The following IRAK1BP1 variants were observed in gnomAD, a reference collection of about 807,000 sequenced individuals.
IRAK1BP1 encodes the protein interleukin-1 receptor-associated kinase 1-binding protein 1.
IRAK1BP1 carries 24 observed loss-of-function variants against 28.0 expected under a neutral mutation model. The observed-to-expected ratio is 0.86, with a 90% CI of 0.62 to 1.20. IRAK1BP1 has a LOEUF of 1.20. Among genes scored for constraint, IRAK1BP1 ranks in the 50% most tolerant of loss-of-function variants. The pLI is 0.00. For missense variants in IRAK1BP1, 336 were observed against 316.7 expected (o/e 1.06, Z -0.46); for synonymous variants, 131 against 116.3 (o/e 1.13, Z -0.81).
At chr6:78,895,529 T>C (rs1446098634) in intron 2 of IRAK1BP1, among the ~76,000 whole-genome samples, 2 of 152,148 alleles carry the variant, frequency 1.3e-5, no homozygotes, top group Non-Finnish European at 2.9e-5. Flanking sequence ...ATCCTTTACA[T>C]GCAGGTATAA....
intron 4 of IRAK1BP1, among the ~76,000 whole-genome samples, chr6:78,913,552 A>G (rs574728709): frequency 3.9e-5 from 6 of 152,304 alleles, no homozygotes; most frequent in Non-Finnish European, 8.8e-5. Flanking sequence ...TGGCTGAGGC[A>G]CAATAATCAC....
intron 2 of IRAK1BP1, among the ~76,000 whole-genome samples, chr6:78,894,663 CAG>C (rs1343765563): frequency 6.6e-6 from 1 of 152,028 alleles, no homozygotes; most frequent in Non-Finnish European, 1.5e-5. Context: ...AGACCATAGA[CAG>C]AAAATCAGTA....
intron 2 of IRAK1BP1, among the ~76,000 whole-genome samples, chr6:78,887,680 A>AAC (rs1771479684): frequency 6.6e-6 from 1 of 152,044 alleles, no homozygotes; most frequent in East Asian, 1.9e-4. Flanking sequence ...ACACACACAA[A>AAC]AACAACAACA....
chr6:78,974,467 C>T, the IRAK1BP1 span, among the ~76,000 whole-genome samples: 3 of 151,560 alleles, frequency 2.0e-5, no homozygotes, highest in African/African-American at 7.3e-5. Flanking sequence ...ATTAAAAGAA[C>T]TAGAAAAGCA....
chr6:78,901,092 G>T lies in IRAK1BP1; in HGVS notation c.*2758G>T, dbSNP rs1483040562. The T allele has an allele frequency of 1.4e-5, 2 of 141,436 alleles. No individual in the cohort carries two copies. Among genetic ancestry groups the T allele is most frequent in the African/African-American group, 2.6e-5 (1 of 38,806 alleles). The allele number at this position is 141,436 out of a possible 1,614,324, so 8.8% of individuals were successfully genotyped here. On this transcript the variant is annotated 3_prime_UTR_variant, in exon 4 of 4. Coordinates refer to ENST00000369940, the MANE Select transcript of IRAK1BP1 (RefSeq NM_001010844.4). Reference sequence around the variant, plus strand: ...CAACAAAAATTTAATCACATGGGTAGTTTTTTTTTTTTTAGCTATGGGTTC... The same window carrying T: ...CAACAAAAATTTAATCACATGGGTATTTTTTTTTTTTTTAGCTATGGGTTC...
At chr6:78,951,861 T>C in the IRAK1BP1 span, among the ~76,000 whole-genome samples, 1 of 152,206 alleles carries the variant, frequency 6.6e-6, no homozygotes, top group African/African-American at 2.4e-5. Context: ...GTTCCCATTG[T>C]GGCTTTGTCT....
intron 1 of IRAK1BP1, among the ~76,000 whole-genome samples, chr6:78,880,529 A>G (rs751943535): frequency 1.3e-5 from 2 of 152,250 alleles, no homozygotes; most frequent in Non-Finnish European, 2.9e-5. Context: ...GTCAATCTAT[A>G]GACTGGGAGA....
chr6:78,928,580 T>C (rs987173654), intron 4 of IRAK1BP1, among the ~76,000 whole-genome samples: 4 of 152,104 alleles, frequency 2.6e-5, no homozygotes, highest in African/African-American at 9.7e-5. Flanking sequence ...GGTGACAGTG[T>C]CCTTGTTGTA....
At chr6:78,924,865 A>G (rs1297516805) in intron 4 of IRAK1BP1, among the ~76,000 whole-genome samples, 2 of 152,218 alleles carry the variant, frequency 1.3e-5, no homozygotes, top group East Asian at 3.8e-4. Flanking sequence ...AGAGACATGC[A>G]CACATATGTT....
intron 4 of IRAK1BP1, among the ~76,000 whole-genome samples, chr6:78,928,729 G>A (rs1380367807): frequency 4.6e-5 from 7 of 152,128 alleles, no homozygotes; most frequent in Non-Finnish European, 1.0e-4. Flanking sequence ...ATCATGAAGG[G>A]ATGTTGAATT....
chr6:78,871,478 G>C lies in IRAK1BP1; in HGVS notation c.315+3587G>C, dbSNP rs536703095. 4 of 985,564 alleles carry C rather than the reference G, an allele frequency of 4.1e-6. No individual in the cohort carries two copies. The African/African-American group carries it at 7.0e-5, about 17-fold the overall frequency. 61.1% of individuals were successfully genotyped at this position (985,564 alleles called of 1,614,324 possible). A position where few individuals can be genotyped will look rare whatever the true frequency, so the allele number is the denominator to read the frequency against. On this transcript the variant is annotated intron_variant, in intron 1 of 3. Coordinates refer to ENST00000369940, the MANE Select transcript of IRAK1BP1 (RefSeq NM_001010844.4). Reference sequence around the variant, plus strand: ...ACCACCTCAGCCACCATGACACCCAGTAGGAGGTATTCCACAGGAACAGCA... The same window carrying C: ...ACCACCTCAGCCACCATGACACCCACTAGGAGGTATTCCACAGGAACAGCA...
the IRAK1BP1 span, among the ~76,000 whole-genome samples, chr6:78,972,668 C>T: frequency 1.3e-5 from 2 of 152,034 alleles, no homozygotes; most frequent in Non-Finnish European, 2.9e-5. Flanking sequence ...ATAATCAATA[C>T]AGAGAAGTGC....
chr6:78,946,172 G>A lies in IRAK1BP1; in HGVS notation c.*832G>A, dbSNP rs1773802731. ...TTTATCTGAGCAGCATTGTGTCTTGGCGGTATTGATCGTGTAGGTGTAGAG... is the reference window on the plus strand; with the variant it reads ...TTTATCTGAGCAGCATTGTGTCTTGACGGTATTGATCGTGTAGGTGTAGAG... On this transcript the variant is annotated 3_prime_UTR_variant and NMD_transcript_variant, in exon 5 of 5. Coordinates refer to the IRAK1BP1 transcript ENST00000606868. 14 of 1,613,864 alleles carry A rather than the reference G, an allele frequency of 8.7e-6. No homozygotes were observed. In the East Asian group the frequency reaches 2.7e-4, roughly 31 times the overall value.
intron 4 of IRAK1BP1, chr6:78,941,412 G>A: frequency 1.1e-6 from 1 of 898,498 alleles, no homozygotes; most frequent in East Asian, 2.4e-5. Flanking sequence ...GGCCCCATTG[G>A]TATACTTATA....
intron 4 of IRAK1BP1, among the ~76,000 whole-genome samples, chr6:78,916,646 C>T (rs995786836): frequency 1.3e-5 from 2 of 152,146 alleles, no homozygotes; most frequent in African/African-American, 4.8e-5. Context: ...ATGAGTTTGG[C>T]ACTTGAACAT....
At chr6:78,963,730 GA>G in the IRAK1BP1 span, among the ~76,000 whole-genome samples, 1 of 152,184 alleles carries the variant, frequency 6.6e-6, no homozygotes, top group Non-Finnish European at 1.5e-5. Flanking sequence ...CATAAATTAT[GA>G]AGGTATGCTT....
intron 4 of IRAK1BP1, among the ~76,000 whole-genome samples, chr6:78,928,872 T>A (rs1323969096): frequency 6.6e-6 from 1 of 152,328 alleles, no homozygotes; most frequent in Middle Eastern, 3.4e-3. Flanking sequence ...CACTTGGTCA[T>A]AATGAATGAT....
intron 1 of IRAK1BP1, among the ~76,000 whole-genome samples, chr6:78,875,220 A>T (rs1770954341): frequency 6.6e-6 from 1 of 152,230 alleles, no homozygotes; most frequent in South Asian, 2.1e-4. Flanking sequence ...TTTATTAAAA[A>T]GTCAAAAAAT....
rs755838595 is a variant in IRAK1BP1, at chr6:78,916,195, A to C, written c.*67+13085A>C. 4.8e-4 allele frequency among the ~76,000 whole-genome samples: 73 copies of C among 152,134 alleles called. 1 individual carries two copies. The highest frequency in any genetic ancestry group is 5.3e-4 in the Non-Finnish European group (36 of 68,020). ...TATAAAGTTATTTTCTTGGGCTTAG[A>C]AGGTTGGGTTTTTTGTTCATTTGTT... is the stretch of plus-strand genomic sequence containing the variant. On this transcript the variant is annotated intron_variant and NMD_transcript_variant, in intron 4 of 4. Coordinates refer to the IRAK1BP1 transcript ENST00000606868.
Sources: gnomAD v4.1 joint callset for allele counts (sites outside exome capture counted in the v4.1 genomes callset) on GRCh38, gnomAD v4.1.1 for gene constraint, MANE v1.5 for transcripts, NCBI Gene and HGNC (gene_info 2026-07-23, HGNC 2026-07-21) for gene names.